Variants in CYP39A1 observed in about 807,000 individuals in gnomAD.
CYP39A1 encodes the protein cytochrome P450 family 39 subfamily A member 1, also known as 24-hydroxycholesterol 7-alpha-hydroxylase.
In CYP39A1, 49 loss-of-function variants were observed where a neutral mutation model predicts 58.1. The ratio of observed to expected loss-of-function variants is 0.84; its 90% CI spans 0.67 to 1.07. CYP39A1 has a LOEUF of 1.07. Ranked by LOEUF, CYP39A1 falls within the 50% of genes least tolerant of loss-of-function variation. CYP39A1 has a pLI of 0.00. For missense variants in CYP39A1, 531 were observed against 539.4 expected, an observed-to-expected ratio of 0.98 and a Z score of 0.16; for synonymous variants, 209 against 187.6, an observed-to-expected ratio of 1.11 and a Z score of -0.93.
chr6:46,561,444 A>G (rs1293530809), intron 10 of CYP39A1, among the ~76,000 whole-genome samples: 1 of 152,082 alleles, frequency 6.6e-6, no homozygotes, highest in Non-Finnish European at 1.5e-5. Flanking sequence ...GCGCAAGTGA[A>G]GAAGGTACAC....
At position 46,636,380 on chromosome 6, in the gene CYP39A1, A is replaced by G. The variant is rs200704334; in HGVS notation, c.732+9T>C. The G allele has an allele frequency of 1.5e-4, 230 of 1,549,814 alleles. No individual in the cohort carries two copies. The highest frequency in any genetic ancestry group is 2.0e-4 in the Non-Finnish European group (224 of 1,130,120). ...TTACATTAGCAAAAGAAAGGTAAGAAATACTTACCATGGAATTATCTTTTG... is the reference window on the plus strand; with the variant it reads ...TTACATTAGCAAAAGAAAGGTAAGAGATACTTACCATGGAATTATCTTTTG... On this transcript the variant is annotated intron_variant, in intron 5 of 11. Transcript: ENST00000275016.
At chr6:46,595,919 T>C (rs1582362380) in intron 8 of CYP39A1, 68 bp downstream of exon 8, 3 of 1,455,054 alleles carry the variant, frequency 2.1e-6, no homozygotes, top group Non-Finnish European at 2.8e-6. Context: ...ACCTGAAAAA[T>C]ATATGTGGGC....
intron 1 of CYP39A1, among the ~76,000 whole-genome samples, chr6:46,650,164 G>T (rs1762587784): frequency 6.9e-6 from 1 of 144,484 alleles, no homozygotes; most frequent in South Asian, 2.2e-4. Context: ...ACCTTGAGAG[G>T]GTATGAAGAG....
Position 46,637,851 on chromosome 6 carries a change from G to C in CYP39A1, c.616C>G (p.Gln206Glu). 1 of 1,612,440 alleles carries C rather than the reference G, an allele frequency of 6.2e-7. No individual in the cohort carries two copies. The highest frequency in any genetic ancestry group is 1.3e-5 in the African/African-American group (1 of 74,920). ...TACCTTAGAAGACACTCTGGCAACT[G>C]GGACCCATACTCAAAATCTTCATCA... ...VYDEDFEYGS[Q>E]LPECLLRNWS... Residue 206 changes from glutamine (Q) to glutamate (E), a missense_variant, in exon 4 of 12, where the codon CAG (glutamine) becomes GAG (glutamate). Physicochemically the swap from Gln to Glu is conservative, Grantham distance 29. Coordinates refer to ENST00000275016, the MANE Select transcript of CYP39A1 (RefSeq NM_016593.5).
At chr6:46,645,160 G>A (rs1489873814) in intron 1 of CYP39A1, among the ~76,000 whole-genome samples, 2 of 152,124 alleles carry the variant, frequency 1.3e-5, no homozygotes, top group African/African-American at 4.8e-5. Context: ...CAATTTATCA[G>A]TTTTTCCTTT....
At chr6:46,566,166 C>A (rs806490) in intron 10 of CYP39A1, among the ~76,000 whole-genome samples, 28,360 of 152,094 alleles carry the variant, frequency 0.19, 5,254 homozygotes, top group African/African-American at 0.47. Context: ...CTGACTGCAG[C>A]CAGGATTGTT....
chr6:46,613,271 A>G (rs1439642992), intron 7 of CYP39A1, among the ~76,000 whole-genome samples: 1 of 152,212 alleles, frequency 6.6e-6, no homozygotes, highest in Non-Finnish European at 1.5e-5. Context: ...GTGTTGGTAT[A>G]TCCCTAGTCA....
intron 7 of CYP39A1, among the ~76,000 whole-genome samples, chr6:46,606,433 C>T (rs980527927): frequency 3.9e-5 from 6 of 152,064 alleles, no homozygotes; most frequent in South Asian, 2.1e-4. Context: ...GAAATAGCTC[C>T]GTACCCATAC....
chr6:46,652,302 G>A lies in CYP39A1; in HGVS notation c.177+104C>T, dbSNP rs116865371. ...TAGATCCTTTAGTTGAGGCAAGCAG[G>A]TATGTTCCCCGTGTTCTAGCCCTGC... is the stretch of plus-strand genomic sequence containing the variant. On this transcript the variant is annotated intron_variant, in intron 1 of 11. Transcript: ENST00000275016. 1.0e-3 allele frequency: 1,181 copies of A among 1,133,264 alleles called. 16 individuals carry two copies. In the East Asian group the frequency reaches 0.027, roughly 26 times the overall value. The allele number at this position is 1,133,264 out of a possible 1,614,324, so 70.2% of individuals were successfully genotyped here. A position where few individuals can be genotyped will look rare whatever the true frequency, so the allele number is the denominator to read the frequency against.
chr6:46,625,485 G>T lies in CYP39A1; in HGVS notation c.864C>A (p.Tyr288Ter), dbSNP rs149313145. The T allele has an allele frequency of 6.2e-7, 1 of 1,609,294 alleles. No homozygotes were observed. The highest frequency in any genetic ancestry group is 1.7e-4 in the Middle Eastern group (1 of 6,010). The change falls in exon 7 of 12, where the codon TAC (tyrosine) becomes TAA (stop). Residue 288 changes from tyrosine (Y) to a stop codon, truncating the protein, a stop_gained. Transcript: ENST00000275016. LOFTEE classifies it high-confidence loss of function. ...AVPVAFWTLA[Y>*]VLSHPDIHKA... ...TGTGGATATCAGGATGAGAAAGGAC[G>T]TATGCAAGTGTCCAAAATGCAACCT...
Position 46,587,133 on chromosome 6 carries a change from G to C in CYP39A1, c.1194C>G (p.His398Gln), listed in dbSNP as rs571255953. The C allele has an allele frequency of 6.2e-7, 1 of 1,611,672 alleles. No homozygotes were observed. Among genetic ancestry groups the C allele is most frequent in the Non-Finnish European group, 8.5e-7 (1 of 1,179,002 alleles). The change falls in exon 10 of 12, where the codon CAC becomes CAG. Residue 398 changes from histidine (H) to glutamine (Q), a missense_variant. His to Gln is a conservative substitution (Grantham distance 24). Transcript: ENST00000275016. The part of the protein sequence containing the change: ...ERWKKANLEK[H>Q]SFLDCFMAFG... ...ATGCCATGAAGCAGTCCAAGAAAGAGTGCTTCTCTAAATTTGCCTTTTTCC... is the reference window on the plus strand; with the variant it reads ...ATGCCATGAAGCAGTCCAAGAAAGACTGCTTCTCTAAATTTGCCTTTTTCC...
Position 46,642,393 on chromosome 6 carries a change from A to T in CYP39A1, c.178-95T>A, listed in dbSNP as rs988738634. On this transcript the variant is annotated intron_variant, in intron 1 of 11. Coordinates refer to ENST00000275016, the MANE Select transcript of CYP39A1 (RefSeq NM_016593.5). ...GAATCCTAATGCTGAAGTTATAGTC[A>T]AAAGAAAAATTATTATGATTATATT... The T allele has an allele frequency of 4.1e-6, 5 of 1,213,662 alleles. No individual in the cohort carries two copies. The African/African-American group carries it at 7.7e-5, about 19-fold the overall frequency. 75.2% of individuals were successfully genotyped at this position (1,213,662 alleles called of 1,614,324 possible).
chr6:46,566,445 G>A (rs528818437), intron 10 of CYP39A1, among the ~76,000 whole-genome samples: 1 of 152,264 alleles, frequency 6.6e-6, no homozygotes, highest in Non-Finnish European at 1.5e-5. Context: ...GCGGCAGGAA[G>A]GAGAAGTGTG....
intron 1 of CYP39A1, among the ~76,000 whole-genome samples, chr6:46,642,808 A>G (rs1383321331): frequency 1.3e-5 from 2 of 152,100 alleles, no homozygotes; most frequent in Non-Finnish European, 2.9e-5. Context: ...AACCTGCCCA[A>G]CCTCTCCATT....
At chr6:46,609,011 C>T (rs911666160) in intron 7 of CYP39A1, among the ~76,000 whole-genome samples, 4 of 152,064 alleles carry the variant, frequency 2.6e-5, no homozygotes, top group African/African-American at 7.2e-5. Flanking sequence ...GTTGACTTGT[C>T]TCTAAATGGA....
intron 10 of CYP39A1, among the ~76,000 whole-genome samples, chr6:46,582,233 C>T (rs1727595): frequency 0.39 from 59,543 of 151,740 alleles, 14,614 homozygotes; most frequent in African/African-American, 0.7. Context: ...TAACTTGTCA[C>T]TAAATTTATG....
chr6:46,554,095 C>T (rs1038199916), intron 10 of CYP39A1, among the ~76,000 whole-genome samples: 2 of 152,186 alleles, frequency 1.3e-5, no homozygotes, highest in African/African-American at 4.8e-5. Flanking sequence ...AGTGGGAGCT[C>T]TCAATAAATG....
At chr6:46,602,379 T>G (rs2206927) in intron 7 of CYP39A1, among the ~76,000 whole-genome samples, 19,009 of 152,102 alleles carry the variant, frequency 0.12, 1,235 homozygotes, top group Middle Eastern at 0.18. Context: ...CAGCATCACG[T>G]GGAAGGCTTG....
chr6:46,559,856 A>G (rs1032599107), intron 10 of CYP39A1, among the ~76,000 whole-genome samples: 1 of 151,960 alleles, frequency 6.6e-6, no homozygotes, highest in African/African-American at 2.4e-5. Flanking sequence ...ATAAAATAAG[A>G]CCCCCATTCA....
Sources: gnomAD v4.1 joint callset for allele counts (sites outside exome capture counted in the v4.1 genomes callset) on GRCh38, gnomAD v4.1.1 for gene constraint, MANE v1.5 for transcripts, NCBI Gene and HGNC (gene_info 2026-07-23, HGNC 2026-07-21) for gene names.